ARHGAP11B: variants seen among roughly 807,000 people sequenced by gnomAD.
ARHGAP11B encodes the protein inactive Rho GTPase-activating protein 11B.
A neutral mutation model predicts 27.6 loss-of-function variants in ARHGAP11B; 14 were observed. The observed-to-expected ratio is 0.51, with a 90% confidence interval of 0.34 to 0.79. ARHGAP11B has a LOEUF of 0.79. Among genes scored for constraint, ARHGAP11B ranks in the 30% least tolerant of loss-of-function variants. The pLI is 0.02. For missense variants in ARHGAP11B, 245 were observed against 320.1 expected, an observed-to-expected ratio of 0.77 and a Z score of 1.79; for synonymous variants, 82 against 114.1, an observed-to-expected ratio of 0.72 and a Z score of 1.80.
intron 6 of ARHGAP11B, among the ~76,000 whole-genome samples, chr15:30,638,046 C>T (rs8024735): frequency 0.14 from 21,093 of 150,730 alleles, 1,700 homozygotes; most frequent in Middle Eastern, 0.18. Context: ...TCTCTAACTC[C>T]GGACATCAAG....
chr15:30,635,306 A>ATG (rs2060272622), intron 5 of ARHGAP11B, 118 bp downstream of exon 5: 1 of 1,495,920 alleles, frequency 6.7e-7, no homozygotes, highest in Admixed American at 1.9e-5. Context: ...GTTTCTTTCA[A>ATG]AGGAACTATG....
At chr15:30,626,869 G>A (rs1244444740) in exon 1 of ARHGAP11B, 6 of 1,613,678 alleles carry the variant, frequency 3.7e-6, no homozygotes, top group Non-Finnish European at 5.1e-6. Flanking sequence ...GCATCTGCGG[G>A]CCTTCTATGG....
chr15:30,645,409 G>A (rs1595680257), intron 8 of ARHGAP11B, among the ~76,000 whole-genome samples: 1 of 151,958 alleles, frequency 6.6e-6, no homozygotes, highest in East Asian at 1.9e-4. Flanking sequence ...AAAAAAACCT[G>A]TGAAGGATGT....
At chr15:30,631,647 A>C (rs2140892327) in intron 2 of ARHGAP11B, among the ~76,000 whole-genome samples, 1 of 152,334 alleles carries the variant, frequency 6.6e-6, no homozygotes, top group African/African-American at 2.4e-5. Flanking sequence ...CAGCATTGGC[A>C]ACAGAGTGAG....
intron 3 of ARHGAP11B, 76 bp downstream of exon 3, chr15:30,633,662 A>G: frequency 7.8e-7 from 1 of 1,282,492 alleles, no homozygotes; most frequent in African/African-American, 1.5e-5. Flanking sequence ...AATATTTAGA[A>G]CTATTAATAT....
intron 7 of ARHGAP11B, chr15:30,641,460 C>T (rs1242856121): frequency 1.3e-5 from 2 of 151,516 alleles, no homozygotes; most frequent in Non-Finnish European, 1.5e-5. Context: ...CTCAGCCTCC[C>T]AGGTAGCTGG....
chr15:30,634,306 A>C, exon 4 of ARHGAP11B: 2 of 1,613,438 alleles, frequency 1.2e-6, no homozygotes, highest in East Asian at 2.2e-5. Context: ...TTGAAAGCTC[A>C]ACAGTTAGGC....
Position 30,646,641 on chromosome 15 carries a change from C to T in ARHGAP11B, c.*324+346C>T, listed in dbSNP as rs569056978. On this transcript the variant is annotated intron_variant, in intron 9 of 10. Transcript: ENST00000428041. ...TTGTGCCACTGCACTCCAGCCTGGG[C>T]GACAGCGAGACTCCGTCTCAAAAAA... is the stretch of plus-strand genomic sequence containing the variant. Among the ~76,000 whole-genome samples, 4 of 149,468 alleles carry T rather than the reference C, an allele frequency of 2.7e-5. 1 individual carries two copies. The highest frequency in any genetic ancestry group is 4.9e-5 in the African/African-American group (2 of 40,498).
exon 1 of ARHGAP11B, chr15:30,626,608 G>C: frequency 1.6e-6 from 1 of 633,386 alleles, no homozygotes; most frequent in East Asian, 2.9e-5. Context: ...CTGGATCAAA[G>C]GGCTAAGAGA....
chr15:30,649,178 G>A (rs1053531636), exon 11 of ARHGAP11B: 2 of 151,932 alleles, frequency 1.3e-5, no homozygotes, highest in African/African-American at 4.8e-5. Flanking sequence ...AAGAATTGAA[G>A]TTTGATTGTA....
chr15:30,639,463 TAAAC>T (rs1321049667), intron 7 of ARHGAP11B, among the ~76,000 whole-genome samples: 1 of 151,610 alleles, frequency 6.6e-6, no homozygotes, highest in African/African-American at 2.4e-5. Context: ...GTGTTTTAGT[TAAAC>T]AACATCTACT....
intron 2 of ARHGAP11B, among the ~76,000 whole-genome samples, chr15:30,632,296 C>T (rs1246663777): frequency 2.9e-5 from 4 of 138,692 alleles, no homozygotes; most frequent in Admixed American, 7.3e-5. Flanking sequence ...TGATGTGTGC[C>T]TATAGTCCCA....
At chr15:30,629,886 T>C (rs1010009648) in intron 1 of ARHGAP11B, among the ~76,000 whole-genome samples, 2 of 152,072 alleles carry the variant, frequency 1.3e-5, no homozygotes, top group African/African-American at 2.4e-5. Context: ...TAACCAGACA[T>C]TTACAGGCTT....
chr15:30,645,169 C>T (rs1264289774), intron 8 of ARHGAP11B, among the ~76,000 whole-genome samples: 1 of 151,860 alleles, frequency 6.6e-6, no homozygotes, highest in Non-Finnish European at 1.5e-5. Context: ...TATTACATTT[C>T]TGTTGAGCTA....
At chr15:30,640,571 AT>A (rs2060309433) in intron 7 of ARHGAP11B, among the ~76,000 whole-genome samples, 1 of 151,434 alleles carries the variant, frequency 6.6e-6, no homozygotes, top group African/African-American at 2.4e-5. Flanking sequence ...TTTATCTTAC[AT>A]TTAGTCAAAA....
In ARHGAP11B at chr15:30,644,787, T is replaced by C. The variant is rs1179458355; in HGVS notation, c.*142+85T>C. On this transcript the variant is annotated intron_variant, in intron 8 of 10. Transcript: ENST00000428041. ...AATTTATTCACAAATGGAATATTTG[T>C]ATGTGAATAACTAAATTTATTTTGT... 19 of 1,143,044 alleles carry C rather than the reference T, an allele frequency of 1.7e-5. 1 individual carries two copies. The highest frequency in any genetic ancestry group is 2.5e-5 in the Non-Finnish European group (19 of 765,572). The allele number at this position is 1,143,044 out of a possible 1,614,324, so 70.8% of individuals were successfully genotyped here. A position where few individuals can be genotyped will look rare whatever the true frequency, so the allele number is the denominator to read the frequency against.
At position 30,628,277 on chromosome 15, in the gene ARHGAP11B, T is replaced by G. The variant is rs2060222563; in HGVS notation, c.129+1328T>G. Among the ~76,000 whole-genome samples, 2 of 151,746 alleles carry G rather than the reference T, an allele frequency of 1.3e-5. 1 individual carries two copies. Among genetic ancestry groups the G allele is most frequent in the South Asian group, 4.1e-4 (2 of 4,822 alleles). On this transcript the variant is annotated intron_variant, in intron 1 of 10. Transcript: ENST00000428041. The stretch of plus-strand genomic sequence containing the variant: ...TTGTATTTTTTAGTAGAGACGGGGT[T>G]TCACTGTGTTAGCCAGGATGGTCTC...
chr15:30,628,366 C>T (rs1244371691), intron 1 of ARHGAP11B, among the ~76,000 whole-genome samples: 2 of 151,992 alleles, frequency 1.3e-5, no homozygotes, highest in East Asian at 3.9e-4. Context: ...CAGGCGTGAG[C>T]CACTGCACCT....
chr15:30,649,013 G>A (rs2060369666), exon 11 of ARHGAP11B: 1 of 151,970 alleles, frequency 6.6e-6, no homozygotes, highest in Non-Finnish European at 1.5e-5. Flanking sequence ...TTTAAAACAT[G>A]TTATACCCTT....
Sources: gnomAD v4.1 joint callset for allele counts (sites outside exome capture counted in the v4.1 genomes callset) on GRCh38, gnomAD v4.1.1 for gene constraint, MANE v1.5 for transcripts, NCBI Gene and HGNC (gene_info 2026-07-23, HGNC 2026-07-21) for gene names.